CNTN5: variants seen among roughly 807,000 people sequenced by gnomAD.
The protein encoded by CNTN5 is contactin-5.
A neutral mutation model predicts 129.1 loss-of-function variants in CNTN5; 77 were observed. The ratio of observed to expected loss-of-function variants is 0.60; its 90% CI spans 0.50 to 0.72. The LOEUF (loss-of-function observed/expected upper bound fraction) is 0.72, where lower values mean the gene tolerates loss of function less well. CNTN5 is among the 30% of genes least tolerant of loss of function. The pLI is 0.00. For synonymous variants in CNTN5, 509 were observed against 465.6 expected (o/e 1.09, Z -1.20); for missense variants, 1,478 against 1,328.8 (o/e 1.11, Z -1.75).
At chr11:99,582,729 A>ATC (rs1555036726) in intron 3 of CNTN5, among the ~76,000 whole-genome samples, 1 of 151,938 alleles carries the variant, frequency 6.6e-6, no homozygotes, top group African/African-American at 2.4e-5. Flanking sequence ...CATTTGTCTA[A>ATC]TTTTTTTCAA....
At chr11:99,343,543 T>TA (rs1866614900) in intron 2 of CNTN5, among the ~76,000 whole-genome samples, 1 of 152,206 alleles carries the variant, frequency 6.6e-6, no homozygotes, top group Non-Finnish European at 1.5e-5. Context: ...TCAGTTTTAG[T>TA]AAAAAGCCCT....
chr11:99,039,833 G>C (rs1033936056), intron 1 of CNTN5, among the ~76,000 whole-genome samples: 1 of 152,060 alleles, frequency 6.6e-6, no homozygotes, highest in Non-Finnish European at 1.5e-5. Flanking sequence ...ACATTTAAAA[G>C]GAATGTTACT....
At chr11:100,149,607 T>C (rs1344679146) in intron 13 of CNTN5, among the ~76,000 whole-genome samples, 2 of 152,126 alleles carry the variant, frequency 1.3e-5, no homozygotes, top group South Asian at 2.1e-4. Context: ...AGGAATCTCA[T>C]GGGGGCCAGG....
intron 3 of CNTN5, among the ~76,000 whole-genome samples, chr11:99,714,888 G>C (rs1251253321): frequency 1.3e-5 from 2 of 149,506 alleles, no homozygotes; most frequent in Middle Eastern, 3.2e-3. Context: ...CTAACTTCTA[G>C]AGACTATTTT....
intron 1 of CNTN5, among the ~76,000 whole-genome samples, chr11:99,254,974 C>A (rs1164990421): frequency 6.6e-6 from 1 of 151,774 alleles, no homozygotes; most frequent in African/African-American, 2.4e-5. Context: ...TTTGAACAAG[C>A]CGATGTTTTC....
rs537449992 is a variant in CNTN5 at position 99,804,910 on chromosome 11, A to G, written c.56-14634A>G. ...ACCACCAACATTACATTTTTATAAAATATTCAGTGCTTCATGATGGAACAT... is the reference window on the plus strand; with the variant it reads ...ACCACCAACATTACATTTTTATAAAGTATTCAGTGCTTCATGATGGAACAT... On this transcript the variant is annotated intron_variant, in intron 3 of 24. Transcript: ENST00000524871. Among the ~76,000 whole-genome samples, 45 of 151,562 alleles carry G rather than the reference A, an allele frequency of 3.0e-4. No homozygotes were observed. The South Asian group carries it at 9.3e-3, about 31-fold the overall frequency.
intron 6 of CNTN5, among the ~76,000 whole-genome samples, chr11:99,900,890 T>A (rs1949339092): frequency 6.6e-6 from 1 of 152,150 alleles, no homozygotes; most frequent in African/African-American, 2.4e-5. Flanking sequence ...CCAGCTAGCC[T>A]CATACATGTC....
At position 99,642,435 on chromosome 11, in the gene CNTN5, CT is replaced by C. The variant is rs369708542; in HGVS notation, c.55+86173del. Reference sequence around the variant, plus strand: ...CATATGTGCGAAATGCTGAATTAAGCTTTTTTTATTGATCTTTTTCATTGTT... The same window carrying C: ...CATATGTGCGAAATGCTGAATTAAGCTTTTTTATTGATCTTTTTCATTGTT... On this transcript the variant is annotated intron_variant, in intron 3 of 24. Coordinates refer to ENST00000524871, the MANE Select transcript of CNTN5 (RefSeq NM_014361.4). 3.6e-3 allele frequency among the ~76,000 whole-genome samples: 552 copies of C among 152,116 alleles called. 6 individuals are homozygous for C. The highest frequency in any genetic ancestry group is 0.013 in the African/African-American group (519 of 41,488).
In CNTN5 at chr11:99,042,365, C is replaced by CTT. The variant is rs1210153589; in HGVS notation, c.-210+21121_-210+21122dup. ...CACATGTACCTCCCTTCTTCTTCTT[C>CTT]TTTTTTTTTTTTTTTTTTTTTTTTT... is the stretch of plus-strand genomic sequence containing the variant. On this transcript the variant is annotated intron_variant, in intron 1 of 24. Transcript: ENST00000524871. 3.7e-3 allele frequency among the ~76,000 whole-genome samples: 308 copies of CTT among 83,792 alleles called. 17 individuals carry two copies. Among genetic ancestry groups the CTT allele is most frequent in the Non-Finnish European group, 4.9e-3 (219 of 44,922 alleles). 55.0% of individuals were successfully genotyped at this position (83,792 alleles called of 152,430 possible). A position where few individuals can be genotyped will look rare whatever the true frequency, so the allele number is the denominator to read the frequency against.
At chr11:99,036,440 C>G (rs971169801) in intron 1 of CNTN5, among the ~76,000 whole-genome samples, 1 of 151,820 alleles carries the variant, frequency 6.6e-6, no homozygotes, top group Non-Finnish European at 1.5e-5. Flanking sequence ...AAAAATGTAT[C>G]TAATTTTTAA....
chr11:100,187,356 C>G (rs572935296), intron 13 of CNTN5, among the ~76,000 whole-genome samples: 2 of 151,720 alleles, frequency 1.3e-5, no homozygotes, highest in African/African-American at 2.4e-5. Flanking sequence ...ATTAAAATGG[C>G]CATACTTCCC....
chr11:99,046,367 T>C (rs1864206452), intron 1 of CNTN5, among the ~76,000 whole-genome samples: 1 of 151,970 alleles, frequency 6.6e-6, no homozygotes, highest in Non-Finnish European at 1.5e-5. Context: ...GAAATACACA[T>C]TTAGGGACTG....
intron 15 of CNTN5, among the ~76,000 whole-genome samples, chr11:100,213,379 G>A (rs1447979029): frequency 6.6e-6 from 1 of 151,998 alleles, no homozygotes; most frequent in African/African-American, 2.4e-5. Context: ...TAATCTACAG[G>A]GTCTCTTGTA....
At chr11:99,044,057 AG>A (rs1396520177) in intron 1 of CNTN5, among the ~76,000 whole-genome samples, 7 of 152,164 alleles carry the variant, frequency 4.6e-5, no homozygotes, top group Non-Finnish European at 1.0e-4. Context: ...TGCACTGCAG[AG>A]GGGAAAAAAT....
intron 3 of CNTN5, among the ~76,000 whole-genome samples, chr11:99,699,489 A>G (rs1296497206): frequency 5.3e-5 from 8 of 151,514 alleles, no homozygotes; most frequent in Admixed American, 5.3e-4. Flanking sequence ...TTTATTATGG[A>G]TGAAAATGGG....
At chr11:100,006,834 T>A (rs775637928) in intron 9 of CNTN5, among the ~76,000 whole-genome samples, 9 of 152,176 alleles carry the variant, frequency 5.9e-5, no homozygotes, top group Non-Finnish European at 1.2e-4. Context: ...ATCAGTGGAA[T>A]AATTACCTAT....
chr11:100,149,073 T>C (rs918214610), intron 13 of CNTN5, among the ~76,000 whole-genome samples: 2 of 152,210 alleles, frequency 1.3e-5, no homozygotes, highest in East Asian at 3.9e-4. Flanking sequence ...CAAAAGTTAA[T>C]AGATTTTAGG....
At chr11:99,995,020 G>A (rs7125266) in intron 8 of CNTN5, among the ~76,000 whole-genome samples, 66,015 of 151,992 alleles carry the variant, frequency 0.43, 15,664 homozygotes, top group African/African-American at 0.62. Context: ...AGAAGAAGTC[G>A]TTAAACATTT....
At chr11:99,237,283 A>T (rs1045050227) in intron 1 of CNTN5, among the ~76,000 whole-genome samples, 1 of 152,084 alleles carries the variant, frequency 6.6e-6, no homozygotes, top group African/African-American at 2.4e-5. Context: ...ACTGTGTAAG[A>T]TTGATGTTAT....
Sources: allele counts gnomAD v4.1 joint callset (sites outside exome capture counted in the v4.1 genomes callset), GRCh38; gene constraint gnomAD v4.1.1; transcripts MANE v1.5; gene names NCBI Gene and HGNC (gene_info 2026-07-23, HGNC 2026-07-21).